Variants in CDON observed in about 807,000 individuals in gnomAD.
The protein encoded by CDON is cell adhesion associated, oncogene regulated.
CDON carries 73 observed loss-of-function variants against 120.9 expected under a neutral mutation model. The observed-to-expected ratio is 0.60, with a 90% CI of 0.50 to 0.73. The LOEUF (loss-of-function observed/expected upper bound fraction) is 0.73, where lower values mean the gene tolerates loss of function less well. Ranked by LOEUF, CDON falls within the 30% of genes least tolerant of loss-of-function variation. CDON has a pLI of 0.00. For missense variants in CDON, 1,470 were observed against 1,587.3 expected, an observed-to-expected ratio of 0.93 and a Z score of 1.26; for synonymous variants, 566 against 573.5, an observed-to-expected ratio of 0.99 and a Z score of 0.19.
At position 126,023,659 on chromosome 11, in the gene CDON, G is replaced by A; in HGVS notation, c.-61-122C>T. On this transcript the variant is annotated intron_variant, in intron 1 of 19. Coordinates refer to ENST00000531738, the MANE Select transcript of CDON (RefSeq NM_001378964.1). ...TCTGTGTAGAGTACGTCAAATACCA[G>A]GCACTTAATTATCCAGATCTTCCCA... is the stretch of plus-strand genomic sequence containing the variant. 6 of 648,752 alleles carry A rather than the reference G, an allele frequency of 9.2e-6. 1 individual carries two copies. The South Asian group carries it at 1.0e-4, about 11-fold the overall frequency. The allele number at this position is 648,752 out of a possible 1,614,324, so 40.2% of individuals were successfully genotyped here.
chr11:126,039,524 C>T (rs1264290522), intron 1 of CDON, among the ~76,000 whole-genome samples: 1 of 152,162 alleles, frequency 6.6e-6, no homozygotes, highest in African/African-American at 2.4e-5. Flanking sequence ...CATTAAAGAT[C>T]ATGCTGGTTC....
intron 1 of CDON, among the ~76,000 whole-genome samples, chr11:126,027,338 A>G (rs1947816319): frequency 1.3e-5 from 2 of 152,364 alleles, no homozygotes; most frequent in South Asian, 4.1e-4. Context: ...CAAAGTTTAG[A>G]TACGCAGAAA....
rs773529916 is a variant in CDON, at chr11:126,021,258, T to C, written c.339A>G (p.Val113=). ...IGAIVSGPAT[V]SVAVLGDFGS... The stretch of plus-strand genomic sequence containing the variant: ...CAAAATTAAACTCACCTGCCACAGA[T>C]ACTGTCGCAGGGCCACTCACAATGG... Residue 113 remains valine (V), a synonymous_variant, in exon 3 of 20, where the codon GTA becomes GTG. Transcript: ENST00000531738. The C allele has an allele frequency of 6.2e-7, 1 of 1,613,942 alleles. No homozygotes were observed. Among genetic ancestry groups the C allele is most frequent in the Non-Finnish European group, 8.5e-7 (1 of 1,179,922 alleles).
At chr11:126,025,071 G>T (rs1219962506) in intron 1 of CDON, among the ~76,000 whole-genome samples, 1 of 152,162 alleles carries the variant, frequency 6.6e-6, no homozygotes, top group East Asian at 1.9e-4. Context: ...CGAGCCTGGT[G>T]GCATGCACCT....
At chr11:126,047,096 T>C (rs1948423949) in intron 1 of CDON, among the ~76,000 whole-genome samples, 3 of 152,146 alleles carry the variant, frequency 2.0e-5, no homozygotes, top group African/African-American at 7.2e-5. Flanking sequence ...ATTCTAACAA[T>C]AGCTATCCCC....
At position 126,019,760 on chromosome 11, in the gene CDON, CAAG is replaced by C; in HGVS notation, c.352_354del (p.Leu118del). 1 of 1,611,478 alleles carries C rather than the reference CAAG, an allele frequency of 6.2e-7. No homozygotes were observed. On this transcript the variant is annotated inframe_deletion and splice_region_variant, in exon 4 of 20. Transcript: ENST00000531738. ...TGCTTTGTGGATGAACCAAAATCAC[CAAG>C]AACTGAAATATATAAGGAAACAGAT...
chr11:126,002,038 G>GT (rs954179945), intron 10 of CDON, among the ~76,000 whole-genome samples, 188 bp from the exon 11 acceptor site: 1 of 150,342 alleles, frequency 6.7e-6, no homozygotes, highest in African/African-American at 2.4e-5. Context: ...AAATTACTTT[G>GT]TTTTTTTCTA....
chr11:126,023,543 AAAG>A lies in CDON; in HGVS notation c.-61-9_-61-7del, dbSNP rs557544550. ...AAAACCCAGTCCTTGGTTCACTAAA[AAAG>A]AAAAAGGAAAGAAAATCTAAACCAT... On this transcript the variant is annotated splice_region_variant and splice_polypyrimidine_tract_variant and intron_variant, in intron 1 of 19. Transcript: ENST00000531738. 108 of 1,148,888 alleles carry A rather than the reference AAAG, an allele frequency of 9.4e-5. No individual in the cohort carries two copies. In the South Asian group the frequency reaches 1.2e-3, roughly 13 times the overall value. 71.2% of individuals were successfully genotyped at this position (1,148,888 alleles called of 1,614,324 possible).
At position 125,961,681 on chromosome 11, in the gene CDON, T is replaced by A. The variant is rs377706219; in HGVS notation, c.3631+43A>T. The A allele has an allele frequency of 3.2e-5, 52 of 1,613,464 alleles. No homozygotes were observed. In the Middle Eastern group the frequency reaches 1.3e-3, roughly 41 times the overall value. ...TTCCCATACACAGCTCTTAGCTAAC[T>A]GAAGATGATCTGGAATCCTAAGGTT... On this transcript the variant is annotated intron_variant, in intron 19 of 19. Transcript: ENST00000531738.
rs1221964391 is a variant in CDON at position 125,961,902 on chromosome 11, G to A, written c.3453C>T (p.Pro1151=). 6.2e-7 allele frequency: 1 copy of A among 1,614,068 alleles called. No homozygotes were observed. Among genetic ancestry groups the A allele is most frequent in the African/African-American group, 1.3e-5 (1 of 74,930 alleles). ...ATACAGGCACCTTCACGTGACTGAG[G>A]GGCTTCATTTCCAAACCATCCTGAG... The part of the protein sequence containing the change: ...PYPQDGLEMK[P]LSHVKVPVCL... Residue 1151 remains proline, a synonymous_variant, in exon 19 of 20, where the codon CCC becomes CCT. Transcript: ENST00000531738.
At chr11:126,058,820 T>G (rs929416466) in intron 1 of CDON, among the ~76,000 whole-genome samples, 14 of 152,174 alleles carry the variant, frequency 9.2e-5, no homozygotes, top group African/African-American at 3.1e-4. Context: ...GAAAAGGGAC[T>G]TGGGAAGGAA....
chr11:126,028,702 C>T lies in CDON; in HGVS notation c.-61-5165G>A, dbSNP rs112773100. On this transcript the variant is annotated intron_variant, in intron 1 of 19. Transcript: ENST00000531738. ...TCATAAATAAAACTTTTAACAGCTGCGGAGAATTTATTTATTTATTTATTT... is the reference window on the plus strand; with the variant it reads ...TCATAAATAAAACTTTTAACAGCTGTGGAGAATTTATTTATTTATTTATTT... Among the ~76,000 whole-genome samples, 1,234 of 139,060 alleles carry T rather than the reference C, an allele frequency of 8.9e-3. 21 individuals are homozygous for T. Among genetic ancestry groups the T allele is most frequent in the African/African-American group, 0.027 (1,047 of 38,850 alleles). The allele number at this position is 139,060 out of a possible 152,430, so 91.2% of individuals were successfully genotyped here.
At chr11:126,012,005 T>G (rs963643106) in intron 7 of CDON, among the ~76,000 whole-genome samples, 2 of 152,216 alleles carry the variant, frequency 1.3e-5, no homozygotes, top group Admixed American at 1.3e-4. Context: ...TGCAAATGTC[T>G]TTCTGAAAGT....
chr11:126,062,217 G>T (rs1948814819), intron 1 of CDON, among the ~76,000 whole-genome samples: 1 of 152,106 alleles, frequency 6.6e-6, no homozygotes, highest in South Asian at 2.1e-4. Context: ...TGGAGATTGA[G>T]AGAGGCCAGG....
Position 125,957,754 on chromosome 11 carries a change from C to G in CDON, c.*3188G>C, listed in dbSNP as rs2134318345. ...TCATAGACTCATTCGACAAAAACAC[C>G]CAGAAAGAAAGGCTTTTGCTAAGAA... On this transcript the variant is annotated 3_prime_UTR_variant, in exon 20 of 20. Coordinates refer to ENST00000531738, the MANE Select transcript of CDON (RefSeq NM_001378964.1). The G allele has an allele frequency of 6.6e-6, 1 of 152,176 alleles. No homozygotes were observed. The highest frequency in any genetic ancestry group is 1.9e-4 in the East Asian group (1 of 5,186). The allele number at this position is 152,176 out of a possible 1,614,324, so 9.4% of individuals were successfully genotyped here.
In CDON at chr11:125,981,106, G is replaced by A. The variant is rs754855496; in HGVS notation, c.3219C>T (p.His1073=). 4 of 1,614,050 alleles carry A rather than the reference G, an allele frequency of 2.5e-6. No homozygotes were observed. The highest frequency in any genetic ancestry group is 3.4e-6 in the Non-Finnish European group (4 of 1,180,020). The change falls in exon 17 of 20, where the codon CAC becomes CAT. Residue 1073 remains histidine, a synonymous_variant. Coordinates refer to ENST00000531738, the MANE Select transcript of CDON (RefSeq NM_001378964.1). ...GSLNGGLYSG[H]SNSLTRTHVD... is the part of the protein sequence containing the mutation. ...CGTGTGTCCTGGTTAGAGAGTTGCT[G>A]TGCCCGGAGTAAAGCCCTCCATTTA...
At chr11:125,992,169 C>T (rs375538219) in intron 14 of CDON, among the ~76,000 whole-genome samples, 40 of 152,024 alleles carry the variant, frequency 2.6e-4, no homozygotes, top group Admixed American at 3.9e-4. Context: ...AAAATTCTGA[C>T]GTCCCCACTG....
At chr11:126,029,260 C>T (rs914606490) in intron 1 of CDON, among the ~76,000 whole-genome samples, 2 of 152,186 alleles carry the variant, frequency 1.3e-5, no homozygotes, top group East Asian at 1.9e-4. Flanking sequence ...GAATGTAAGG[C>T]ATGGGCATTG....
chr11:125,998,847 G>T (rs947349791), intron 11 of CDON, among the ~76,000 whole-genome samples: 1 of 152,162 alleles, frequency 6.6e-6, no homozygotes, highest in African/African-American at 2.4e-5. Flanking sequence ...AGTTTCTAGA[G>T]CTGGAATGTG....
Sources: allele counts gnomAD v4.1 joint callset (sites outside exome capture counted in the v4.1 genomes callset), GRCh38; gene constraint gnomAD v4.1.1; transcripts MANE v1.5; gene names NCBI Gene and HGNC (gene_info 2026-07-23, HGNC 2026-07-21).